TMEM132D: variants seen among roughly 807,000 people sequenced by gnomAD.
The protein encoded by TMEM132D is mature OL transmembrane protein.
TMEM132D carries 21 observed loss-of-function variants against 62.3 expected under a neutral mutation model. That is an observed-to-expected ratio of 0.34 (90% CI 0.24 to 0.49). The LOEUF (loss-of-function observed/expected upper bound fraction) is 0.49, where lower values mean the gene tolerates loss of function less well. TMEM132D is among the 20% of genes least tolerant of loss of function. TMEM132D has a pLI of 0.99. For missense variants in TMEM132D, 1,346 were observed against 1,402.8 expected, an observed-to-expected ratio of 0.96 and a Z score of 0.65; for synonymous variants, 621 against 575.6, an observed-to-expected ratio of 1.08 and a Z score of -1.13.
At chr12:129,698,859 A>G (rs1400623642) in intron 2 of TMEM132D, among the ~76,000 whole-genome samples, 1 of 152,040 alleles carries the variant, frequency 6.6e-6, no homozygotes, top group Non-Finnish European at 1.5e-5. Context: ...TAAATCCCAT[A>G]TGAAGGGGGA....
chr12:129,337,462 C>G (rs1212672343), intron 4 of TMEM132D, among the ~76,000 whole-genome samples, 172 bp downstream of exon 4: 3 of 151,794 alleles, frequency 2.0e-5, no homozygotes, highest in Non-Finnish European at 2.9e-5. Context: ...CACACACACA[C>G]ACACACACAC....
At chr12:129,434,580 C>G (rs997804861) in intron 3 of TMEM132D, among the ~76,000 whole-genome samples, 2 of 152,068 alleles carry the variant, frequency 1.3e-5, no homozygotes, top group Admixed American at 6.5e-5. Context: ...GCAGAGGAGG[C>G]TCCCAGAGGA....
chr12:129,656,341 G>A (rs1269473092), intron 2 of TMEM132D, among the ~76,000 whole-genome samples: 2 of 152,082 alleles, frequency 1.3e-5, no homozygotes, highest in African/African-American at 2.4e-5. Flanking sequence ...AGAATGGAGG[G>A]CTTGAGGTCC....
At chr12:129,283,404 C>T (rs1238554670) in intron 4 of TMEM132D, among the ~76,000 whole-genome samples, 1 of 152,164 alleles carries the variant, frequency 6.6e-6, no homozygotes, top group Non-Finnish European at 1.5e-5. Flanking sequence ...GTTGGCGAGG[C>T]TGGTCTCGAA....
chr12:129,279,595 T>A (rs1181906606), intron 4 of TMEM132D, among the ~76,000 whole-genome samples: 1 of 152,150 alleles, frequency 6.6e-6, no homozygotes, highest in Non-Finnish European at 1.5e-5. Flanking sequence ...TACAAAATCT[T>A]TCAGTAGAGA....
At chr12:129,436,981 G>A (rs1402442936) in intron 3 of TMEM132D, among the ~76,000 whole-genome samples, 1 of 152,140 alleles carries the variant, frequency 6.6e-6, no homozygotes, top group East Asian at 1.9e-4. Context: ...GAGGATAAAT[G>A]TCTATCATAG....
intron 3 of TMEM132D, among the ~76,000 whole-genome samples, chr12:129,462,970 G>A (rs887865527): frequency 1.3e-5 from 2 of 152,086 alleles, no homozygotes; most frequent in African/African-American, 4.8e-5. Flanking sequence ...GGGAGTCCTC[G>A]GAGCCCACAA....
At chr12:129,734,910 TG>T (rs1309567302) in intron 1 of TMEM132D, among the ~76,000 whole-genome samples, 1 of 152,022 alleles carries the variant, frequency 6.6e-6, no homozygotes, top group African/African-American at 2.4e-5. Context: ...ACAAAGGAAC[TG>T]GAACTATAAA....
At chr12:129,560,702 T>C (rs1877197878) in intron 2 of TMEM132D, among the ~76,000 whole-genome samples, 1 of 152,200 alleles carries the variant, frequency 6.6e-6, no homozygotes, top group African/African-American at 2.4e-5. Context: ...AAATACCACC[T>C]ATAAAACAAA....
chr12:129,643,436 C>T (rs1409056617), intron 2 of TMEM132D, among the ~76,000 whole-genome samples: 2 of 152,306 alleles, frequency 1.3e-5, no homozygotes, highest in Non-Finnish European at 2.9e-5. Flanking sequence ...TCTCTGGCTG[C>T]GTTCTCTGCA....
At chr12:129,788,270 C>T (rs1488972163) in intron 1 of TMEM132D, among the ~76,000 whole-genome samples, 1 of 152,224 alleles carries the variant, frequency 6.6e-6, no homozygotes, top group Non-Finnish European at 1.5e-5. Flanking sequence ...TCCATTTAAC[C>T]TACTATTGCC....
chr12:129,697,816 T>C (rs1231432672), intron 2 of TMEM132D, among the ~76,000 whole-genome samples: 1 of 152,142 alleles, frequency 6.6e-6, no homozygotes, highest in Non-Finnish European at 1.5e-5. Flanking sequence ...AAGCCACCCT[T>C]GGACCCTAAT....
Position 129,496,670 on chromosome 12 carries a change from T to TA in TMEM132D, c.1115+34388dup, listed in dbSNP as rs3046079. On this transcript the variant is annotated intron_variant, in intron 3 of 8. Coordinates refer to ENST00000422113, the MANE Select transcript of TMEM132D (RefSeq NM_133448.3). ...TATATTTCCCTATTGCAACTTACATTAAAAAAAAAATGCAAGCAATGAGCC... is the reference window on the plus strand; with the variant it reads ...TATATTTCCCTATTGCAACTTACATTAAAAAAAAAAATGCAAGCAATGAGCC... 9.7e-3 allele frequency among the ~76,000 whole-genome samples: 1,459 copies of TA among 150,292 alleles called. 19 individuals carry two copies. Among genetic ancestry groups the TA allele is most frequent in the African/African-American group, 0.033 (1,341 of 41,022 alleles).
intron 3 of TMEM132D, among the ~76,000 whole-genome samples, chr12:129,481,092 C>T (rs191244665): frequency 1.1e-4 from 16 of 152,144 alleles, no homozygotes; most frequent in Non-Finnish European, 2.2e-4. Flanking sequence ...GGAAACAGAA[C>T]AAGGTCCAAG....
At chr12:129,592,203 A>G (rs1482198251) in intron 2 of TMEM132D, among the ~76,000 whole-genome samples, 2 of 141,654 alleles carry the variant, frequency 1.4e-5, no homozygotes, top group East Asian at 2.1e-4. Context: ...ACTACTGAAT[A>G]TAATGTCCAT....
intron 3 of TMEM132D, among the ~76,000 whole-genome samples, chr12:129,424,055 A>T (rs1045020994): frequency 1.3e-5 from 2 of 152,148 alleles, no homozygotes. Flanking sequence ...TTCTATAAGT[A>T]CTACATTTTT....
At chr12:129,357,688 AG>A (rs1870119048) in intron 3 of TMEM132D, among the ~76,000 whole-genome samples, 1 of 152,186 alleles carries the variant, frequency 6.6e-6, no homozygotes, top group Non-Finnish European at 1.5e-5. Flanking sequence ...AAAGAGAGAG[AG>A]AGAGAAGTGA....
At chr12:129,846,656 CTCTGTT>C (rs1454607967) in intron 1 of TMEM132D, among the ~76,000 whole-genome samples, 1 of 152,034 alleles carries the variant, frequency 6.6e-6, no homozygotes, top group African/African-American at 2.4e-5. Context: ...TTGGAAAATT[CTCTGTT>C]TCTCTCTTTC....
At chr12:129,298,138 T>C (rs1159975476) in intron 4 of TMEM132D, among the ~76,000 whole-genome samples, 1 of 152,028 alleles carries the variant, frequency 6.6e-6, no homozygotes, top group East Asian at 1.9e-4. Flanking sequence ...CACCAACTCA[T>C]GGGTGTAGAG....
Sources: allele counts gnomAD v4.1 joint callset (sites outside exome capture counted in the v4.1 genomes callset), GRCh38; gene constraint gnomAD v4.1.1; transcripts MANE v1.5; gene names NCBI Gene and HGNC (gene_info 2026-07-23, HGNC 2026-07-21).